The following SEC14L1 variants were observed in gnomAD, a reference collection of about 807,000 sequenced individuals.
SEC14L1 encodes SEC14 like lipid binding 1.
SEC14L1 carries 48 observed loss-of-function variants against 85.3 expected under a neutral mutation model. The observed-to-expected ratio is 0.56, with a 90% CI of 0.45 to 0.72. The LOEUF is 0.72. Among genes scored for constraint, SEC14L1 ranks in the 30% least tolerant of loss-of-function variants. The probability of loss-of-function intolerance (pLI) is 0.00; values close to 1 mark genes in which losing one functional copy is unlikely to be tolerated. For synonymous variants in SEC14L1, 391 were observed against 355.5 expected (o/e 1.10, Z -1.12); for missense variants, 682 against 921.4 (o/e 0.74, Z 3.36).
In SEC14L1 at chr17:77,153,067, T is replaced by TTTA. The variant is rs761833303; in HGVS notation, c.63+9420_63+9422dup. Among the ~76,000 whole-genome samples, 169 of 152,262 alleles carry TTTA rather than the reference T, an allele frequency of 1.1e-3. 1 individual carries two copies. The highest frequency in any genetic ancestry group is 1.0e-3 in the Non-Finnish European group (69 of 68,014). ...ACCCTTTAGCAGTTCTCTTTATTTA[T>TTTA]TTATTATTATTATTTTTTTGAGGCA... On this transcript the variant is annotated intron_variant, in intron 3 of 16. Coordinates refer to ENST00000436233, the MANE Select transcript of SEC14L1 (RefSeq NM_001143998.2).
intron 8 of SEC14L1, among the ~76,000 whole-genome samples, chr17:77,198,602 T>A (rs1975938659): frequency 6.7e-6 from 1 of 149,098 alleles, no homozygotes; most frequent in Non-Finnish European, 1.5e-5. Context: ...TGAGACGGAG[T>A]CTCGCCCTGT....
intron 2 of SEC14L1, among the ~76,000 whole-genome samples, chr17:77,143,087 G>T (rs761757625): frequency 1.3e-4 from 20 of 149,256 alleles, no homozygotes; most frequent in Non-Finnish European, 2.4e-4. Flanking sequence ...GTATTCCATA[G>T]TTTGAGATAC....
intron 3 of SEC14L1, among the ~76,000 whole-genome samples, chr17:77,169,969 A>G (rs1188749629): frequency 6.6e-6 from 1 of 152,144 alleles, no homozygotes; most frequent in Admixed American, 6.5e-5. Flanking sequence ...ACATCTCCCT[A>G]AGTATCACAG....
At chr17:77,102,906 A>AT (rs1971812542) in intron 3 of SEC14L1, among the ~76,000 whole-genome samples, 1 of 151,964 alleles carries the variant, frequency 6.6e-6, no homozygotes, top group African/African-American at 2.4e-5. Context: ...GGCTCGAGGG[A>AT]TCCCCCCTAC....
intron 3 of SEC14L1, among the ~76,000 whole-genome samples, chr17:77,189,773 C>T (rs1279822267): frequency 2.6e-5 from 4 of 152,098 alleles, no homozygotes; most frequent in Admixed American, 1.3e-4. Context: ...GAACTACAGG[C>T]GCCCGCCACC....
chr17:77,201,666 G>A (rs891401161), intron 9 of SEC14L1, among the ~76,000 whole-genome samples: 4 of 152,084 alleles, frequency 2.6e-5, no homozygotes, highest in Non-Finnish European at 5.9e-5. Flanking sequence ...GGCCAGGCTG[G>A]TCTCGAACTC....
At chr17:77,111,590 G>A (rs1972049614) in intron 3 of SEC14L1, among the ~76,000 whole-genome samples, 2 of 152,096 alleles carry the variant, frequency 1.3e-5, no homozygotes, top group Non-Finnish European at 2.9e-5. Flanking sequence ...TGACCTGGAT[G>A]TGAGACATGG....
At chr17:77,209,936 G>A (rs1244597259) in intron 14 of SEC14L1, 1 of 152,408 alleles carries the variant, frequency 6.6e-6, no homozygotes, top group Non-Finnish European at 1.5e-5. Context: ...TCCGCCTTAT[G>A]GGTTCAAGCA....
At chr17:77,114,690 C>T (rs1855368614) in intron 3 of SEC14L1, among the ~76,000 whole-genome samples, 1 of 151,600 alleles carries the variant, frequency 6.6e-6, no homozygotes, top group African/African-American at 2.4e-5. Context: ...CAAAAATTAG[C>T]TGGGCATGGT....
chr17:77,142,145 C>T (rs775177388), intron 1 of SEC14L1, among the ~76,000 whole-genome samples: 1 of 152,118 alleles, frequency 6.6e-6, no homozygotes, highest in East Asian at 1.9e-4. Flanking sequence ...ATGGCTTACT[C>T]GTGGTCACCC....
chr17:77,126,653 A>G (rs1972455619), intron 3 of SEC14L1, among the ~76,000 whole-genome samples: 1 of 152,228 alleles, frequency 6.6e-6, no homozygotes. Flanking sequence ...GCTCTTCTCC[A>G]GGTGCACGGG....
chr17:77,180,858 A>G (rs932536825), intron 3 of SEC14L1, among the ~76,000 whole-genome samples: 3 of 152,302 alleles, frequency 2.0e-5, no homozygotes, highest in Non-Finnish European at 4.4e-5. Flanking sequence ...GTATGAACAC[A>G]TATTCACAAA....
intron 3 of SEC14L1, among the ~76,000 whole-genome samples, chr17:77,128,425 ATT>A (rs1972515269): frequency 3.6e-5 from 2 of 55,932 alleles, no homozygotes; most frequent in East Asian, 3.3e-4. Flanking sequence ...ATTTTATTTT[ATT>A]TTATTTTATT....
At chr17:77,142,053 G>T (rs1354901769) in intron 1 of SEC14L1, among the ~76,000 whole-genome samples, 3 of 152,104 alleles carry the variant, frequency 2.0e-5, no homozygotes, top group Non-Finnish European at 4.4e-5. Flanking sequence ...CATTCTCATG[G>T]TTTTAGAGGT....
chr17:77,128,541 C>G (rs1403846746), intron 3 of SEC14L1, among the ~76,000 whole-genome samples: 1 of 151,068 alleles, frequency 6.6e-6, no homozygotes, highest in African/African-American at 2.4e-5. Context: ...TCACTGCAAC[C>G]TCTGCTTCTC....
intron 3 of SEC14L1, among the ~76,000 whole-genome samples, chr17:77,119,307 CAAAAA>C (rs11356968): frequency 9.6e-6 from 1 of 104,040 alleles, no homozygotes. Flanking sequence ...GACTCCATCC[CAAAAA>C]AAAAAAAAAA....
Position 77,143,695 on chromosome 17 carries a change from C to T in SEC14L1, c.63+36C>T, listed in dbSNP as rs758317180. 3 of 1,456,380 alleles carry T rather than the reference C, an allele frequency of 2.1e-6. No homozygotes were observed. In the South Asian group the frequency reaches 3.5e-5, roughly 17 times the overall value. 90.2% of individuals were successfully genotyped at this position (1,456,380 alleles called of 1,614,324 possible). ...GACATTTCAATTTACTCTTTGGCTT[C>T]TTATTTATAAAGTACAGTGTTAGAA... On this transcript the variant is annotated intron_variant, in intron 3 of 16. Transcript: ENST00000436233.
chr17:77,116,111 G>T (rs1473166227), intron 3 of SEC14L1, among the ~76,000 whole-genome samples: 1 of 151,692 alleles, frequency 6.6e-6, no homozygotes, highest in Non-Finnish European at 1.5e-5. Context: ...GTAGAGATGG[G>T]GTCTCACTAT....
At chr17:77,120,679 G>A (rs1820344976) in intron 3 of SEC14L1, among the ~76,000 whole-genome samples, 1 of 152,166 alleles carries the variant, frequency 6.6e-6, no homozygotes, top group Admixed American at 6.6e-5. Flanking sequence ...GTTTCACCCT[G>A]TTGTCCAGGC....
Sources: gnomAD v4.1 joint callset for allele counts (sites outside exome capture counted in the v4.1 genomes callset) on GRCh38, gnomAD v4.1.1 for gene constraint, MANE v1.5 for transcripts, NCBI Gene and HGNC (gene_info 2026-07-23, HGNC 2026-07-21) for gene names.